Variants in TBC1D9 observed in about 807,000 individuals in gnomAD.
The protein encoded by TBC1D9 is TBC1 domain family member 9A.
In TBC1D9, 63 loss-of-function variants were observed where a neutral mutation model predicts 132.0. That is an observed-to-expected ratio of 0.48 (90% CI 0.39 to 0.59). The LOEUF is 0.59. Ranked by LOEUF, TBC1D9 falls within the 20% of genes least tolerant of loss-of-function variation. TBC1D9 has a pLI of 0.00. For missense variants in TBC1D9, 1,261 were observed against 1,592.7 expected (o/e 0.79, Z 3.54); for synonymous variants, 610 against 609.9 (o/e 1.00, Z 0.00).
intron 13 of TBC1D9, among the ~76,000 whole-genome samples, chr4:140,641,319 C>T (rs1736990640): frequency 6.6e-6 from 1 of 152,114 alleles, no homozygotes; most frequent in South Asian, 2.1e-4. Context: ...TGTATTAAAA[C>T]AGAGGCTTTA....
intron 1 of TBC1D9, among the ~76,000 whole-genome samples, chr4:140,708,794 G>A (rs1184224531): frequency 6.6e-6 from 1 of 152,196 alleles, no homozygotes; most frequent in East Asian, 1.9e-4. Flanking sequence ...GGAGGTGGGG[G>A]ATGTGGGAGG....
At chr4:140,644,312 C>T in intron 13 of TBC1D9, 1 of 284,044 alleles carries the variant, frequency 3.5e-6, no homozygotes. Context: ...GGGTGGACAG[C>T]AGGGAGTGGG....
rs140333656 is a variant in TBC1D9 at position 140,664,989 on chromosome 4, C to A, written c.1589-2882G>T. On this transcript the variant is annotated intron_variant, in intron 9 of 20. Transcript: ENST00000442267. ...AGGCGTGGTGGTGCACACCTGTAAT[C>A]CCAGCTACTCAGGAGGCTGAGGCAG... Among the ~76,000 whole-genome samples the A allele has an allele frequency of 3.7e-3, 564 of 152,022 alleles. 2 individuals carry two copies. Among genetic ancestry groups the A allele is most frequent in the African/African-American group, 0.013 (549 of 41,448 alleles).
intron 2 of TBC1D9, among the ~76,000 whole-genome samples, chr4:140,686,725 G>C (rs747701421): frequency 6.6e-6 from 1 of 152,158 alleles, no homozygotes; most frequent in Non-Finnish European, 1.5e-5. Context: ...CACTGTTTCA[G>C]ATCAGAAGGC....
intron 6 of TBC1D9, among the ~76,000 whole-genome samples, chr4:140,674,805 C>G (rs1023979496): frequency 2.0e-5 from 3 of 151,840 alleles, no homozygotes; most frequent in Non-Finnish European, 4.4e-5. Context: ...TTCAAGTGAT[C>G]CTCCCACTTC....
intron 2 of TBC1D9, among the ~76,000 whole-genome samples, chr4:140,698,035 G>C (rs931858960): frequency 6.6e-6 from 1 of 152,142 alleles, no homozygotes; most frequent in African/African-American, 2.4e-5. Context: ...GAGGTGGAGG[G>C]GTTTGGTGGC....
intron 13 of TBC1D9, chr4:140,642,406 G>GCCAGCACCTTCCTGTCCTTGC (rs1737017700): frequency 6.9e-6 from 6 of 869,540 alleles, no homozygotes; most frequent in African/African-American, 1.7e-5. Flanking sequence ...GAGGCCCTTG[G>GCCAGCACCTTCCTGTCCTTGC]CCAGCACCTT....
intron 5 of TBC1D9, 111 bp downstream of exon 5, chr4:140,678,831 A>G: frequency 1.5e-6 from 2 of 1,320,432 alleles, no homozygotes; most frequent in Non-Finnish European, 2.1e-6. Flanking sequence ...ATCTATACAC[A>G]GAAGAGTGTT....
At chr4:140,660,917 CT>C (rs33928591) in intron 10 of TBC1D9, among the ~76,000 whole-genome samples, 1 of 149,080 alleles carries the variant, frequency 6.7e-6, no homozygotes, top group Non-Finnish European at 1.5e-5. Flanking sequence ...TTGATTCTTT[CT>C]TTTTTTTTTA....
Position 140,678,970 on chromosome 4 carries a change from A to G in TBC1D9, c.823T>C (p.Ser275Pro). The G allele has an allele frequency of 6.2e-7, 1 of 1,613,782 alleles. No homozygotes were observed. The highest frequency in any genetic ancestry group is 8.5e-7 in the Non-Finnish European group (1 of 1,179,796). The part of the protein sequence containing the change: ...DRSLPKLKRK[S>P]PKKVSALKRD... ...TTTAGAGCAGACACTTTTTTAGGAG[A>G]TTTCCTTTTGAGTTTGGGCAGGGAT... The change falls in exon 5 of 21, where the codon TCT becomes CCT. Residue 275 changes from serine (S) to proline (P), a missense_variant. Transcript: ENST00000442267.
chr4:140,657,073 G>T, intron 13 of TBC1D9, 24 bp downstream of exon 13: 1 of 1,611,490 alleles, frequency 6.2e-7, no homozygotes, highest in South Asian at 1.1e-5. Context: ...GTTAAGCCCT[G>T]CTCAGCCAGG....
In TBC1D9 at chr4:140,693,142, T is replaced by C. The variant is rs191240014; in HGVS notation, c.242-6680A>G. 4.1e-4 allele frequency among the ~76,000 whole-genome samples: 62 copies of C among 152,320 alleles called. No homozygotes were observed. The East Asian group carries it at 0.01, about 26-fold the overall frequency. Reference sequence around the variant, plus strand: ...ATCTTTTTCATTTCTTTATTTATTTTAATAGAGACAGAGTCTCACTATGTT... The same window carrying C: ...ATCTTTTTCATTTCTTTATTTATTTCAATAGAGACAGAGTCTCACTATGTT... On this transcript the variant is annotated intron_variant, in intron 2 of 20. Transcript: ENST00000442267.
At chr4:140,669,100 A>G (rs775263152) in intron 8 of TBC1D9, 33 bp from the exon 9 acceptor site, 9 of 1,607,796 alleles carry the variant, frequency 5.6e-6, no homozygotes, top group Non-Finnish European at 6.8e-6. Context: ...ATGACATCCA[A>G]AGTACCCTGA....
chr4:140,640,833 C>CATTCTTATG (rs145177575), intron 13 of TBC1D9, among the ~76,000 whole-genome samples: 10,467 of 151,736 alleles, frequency 0.069, 1,094 homozygotes, highest in African/African-American at 0.22. Flanking sequence ...ACTGACTGAA[C>CATTCTTATG]ATTCTCATAT....
rs1739016921 is a variant in TBC1D9 at position 140,756,346 on chromosome 4, G to C, written c.-301C>G. 6.6e-6 allele frequency among the ~76,000 whole-genome samples: 1 copy of C among 152,004 alleles called. No homozygotes were observed. The highest frequency in any genetic ancestry group is 2.4e-5 in the African/African-American group (1 of 41,420). ...CGCCCGGCCTGGCACTCTGCAGCCCGGCTCCCGGCCCACGGCGGCGGGAGG... is the reference window on the plus strand; with the variant it reads ...CGCCCGGCCTGGCACTCTGCAGCCCCGCTCCCGGCCCACGGCGGCGGGAGG... On this transcript the variant is annotated 5_prime_UTR_variant, in exon 1 of 21. Coordinates refer to ENST00000442267, the MANE Select transcript of TBC1D9 (RefSeq NM_015130.3). This position sits in a 1 kb window ranked among gnomAD's most constrained non-coding sequence, Gnocchi z 5.6.
chr4:140,640,044 CTGGTTAAAG>C (rs372090319), intron 13 of TBC1D9, among the ~76,000 whole-genome samples: 5 of 152,180 alleles, frequency 3.3e-5, no homozygotes, highest in Non-Finnish European at 7.4e-5. Context: ...CAAAGAAACC[CTGGTTAAAG>C]TATGAAGCTT....
intron 1 of TBC1D9, among the ~76,000 whole-genome samples, chr4:140,705,799 C>A (rs1738142124): frequency 6.6e-6 from 1 of 152,162 alleles, no homozygotes; most frequent in African/African-American, 2.4e-5. Context: ...ATTTCCCACA[C>A]AAAGCGCTGT....
chr4:140,648,231 T>C (rs115569308), intron 13 of TBC1D9, among the ~76,000 whole-genome samples: 2,221 of 152,274 alleles, frequency 0.015, 45 homozygotes, highest in South Asian at 0.056. Flanking sequence ...CAATTATCCA[T>C]CTTTGTTTAT....
At chr4:140,709,502 T>TA (rs35990752) in intron 1 of TBC1D9, among the ~76,000 whole-genome samples, 24,227 of 146,630 alleles carry the variant, frequency 0.17, 4,147 homozygotes, top group African/African-American at 0.44. Context: ...TATGGAATAC[T>TA]AAAAAAAAAA....
Sources: gnomAD v4.1 joint callset for allele counts (sites outside exome capture counted in the v4.1 genomes callset) on GRCh38, gnomAD v4.1.1 for gene constraint, Gnocchi (gnomAD v3.1) non-coding constraint, MANE v1.5 for transcripts, NCBI Gene and HGNC (gene_info 2026-07-23, HGNC 2026-07-21) for gene names.